Variants in NF1 observed in about 807,000 individuals in gnomAD.
NF1 encodes neurofibromin 1, also known as neurofibromin.
A neutral mutation model predicts 325.7 loss-of-function variants in NF1; 122 were observed. The observed-to-expected ratio is 0.37, with a 90% CI of 0.32 to 0.44. The LOEUF (loss-of-function observed/expected upper bound fraction) is 0.44, where lower values mean the gene tolerates loss of function less well. NF1 is among the 20% of genes least tolerant of loss of function. NF1 has a pLI of 1.00. For missense variants in NF1, 2,140 were observed against 3,415.4 expected (o/e 0.63, Z 9.31); for synonymous variants, 1,091 against 1,186.0 (o/e 0.92, Z 1.65).
chr17:31,185,066 C>G (rs1338166551), intron 8 of NF1, among the ~76,000 whole-genome samples: 2 of 152,202 alleles, frequency 1.3e-5, no homozygotes, highest in Non-Finnish European at 2.9e-5. Flanking sequence ...CTGAGCCATG[C>G]TGCCATCAGC....
intron 57 of NF1, chr17:31,361,081 C>CAAAAAAAAAAAAAAAAAAAAAAAAAAAAA (rs60249232): frequency 2.1e-5 from 1 of 46,544 alleles, no homozygotes; most frequent in African/African-American, 9.8e-5. Context: ...CATACTATAT[C>CAAAAAAAAAAAAAAAAAAAAAAAAAAAAA]AAAAAAAAAA....
chr17:31,249,207 TG>T, intron 30 of NF1, 88 bp downstream of exon 30: 1 of 1,415,564 alleles, frequency 7.1e-7, no homozygotes, highest in East Asian at 2.3e-5. Context: ...CTGCTGATGG[TG>T]TGTGGTTAAC....
At chr17:31,111,784 A>C (rs576907286) in intron 1 of NF1, among the ~76,000 whole-genome samples, 4 of 152,298 alleles carry the variant, frequency 2.6e-5, no homozygotes, top group South Asian at 4.1e-4. Context: ...AAATATCTCA[A>C]ATGGAAGTAC....
chr17:31,304,328 T>C, intron 36 of NF1: 1 of 1,614,130 alleles, frequency 6.2e-7, no homozygotes, highest in African/African-American at 1.3e-5. Flanking sequence ...TTGGGAGGAA[T>C]AGAGAACTCC....
intron 37 of NF1, among the ~76,000 whole-genome samples, chr17:31,326,790 T>C (rs1279128524): frequency 6.6e-6 from 1 of 152,202 alleles, no homozygotes; most frequent in Non-Finnish European, 1.5e-5. Context: ...GGCAATTTGT[T>C]ATGTCATTCA....
chr17:31,111,892 C>T (rs549411963), intron 1 of NF1, among the ~76,000 whole-genome samples: 1 of 152,028 alleles, frequency 6.6e-6, no homozygotes, highest in South Asian at 2.1e-4. Flanking sequence ...TTTTTAGGAA[C>T]TTTATTGCTT....
chr17:31,140,173 G>A (rs962727296), intron 1 of NF1, among the ~76,000 whole-genome samples: 1 of 152,184 alleles, frequency 6.6e-6, no homozygotes, highest in African/African-American at 2.4e-5. Context: ...CGTATCATCT[G>A]GTTATGTAAT....
chr17:31,287,906 G>A (rs1359363074), intron 36 of NF1, among the ~76,000 whole-genome samples: 7 of 128,086 alleles, frequency 5.5e-5, no homozygotes. Flanking sequence ...ACAGGAAGGG[G>A]AACATCACAC....
chr17:31,292,214 ATATAGATGTATGTG>A, intron 36 of NF1, among the ~76,000 whole-genome samples: 1 of 152,300 alleles, frequency 6.6e-6, no homozygotes, highest in East Asian at 1.9e-4. Context: ...GTGAAGATAG[ATATAGATGTATGTG>A]TATATAGGTA....
At chr17:31,283,382 A>C (rs899869511) in intron 36 of NF1, among the ~76,000 whole-genome samples, 1 of 151,374 alleles carries the variant, frequency 6.6e-6, no homozygotes. Context: ...GCGCCACTGC[A>C]CTCCAGCCTG....
At chr17:31,276,026 G>A (rs889319721) in intron 36 of NF1, among the ~76,000 whole-genome samples, 24 of 151,852 alleles carry the variant, frequency 1.6e-4, no homozygotes, top group Admixed American at 5.9e-4. Context: ...TGGCTAACAC[G>A]GTGAAACCCC....
chr17:31,200,387 A>G (rs995219213), intron 8 of NF1, 35 bp from the exon 9 acceptor site: 15 of 1,605,540 alleles, frequency 9.3e-6, no homozygotes, highest in Non-Finnish European at 1.2e-5. Context: ...AAGAAACTTC[A>G]TATATTATCT....
At chr17:31,107,641 CTTAAGTACACCCTAG>C (rs1340484750) in intron 1 of NF1, among the ~76,000 whole-genome samples, 1 of 152,038 alleles carries the variant, frequency 6.6e-6, no homozygotes, top group Non-Finnish European at 1.5e-5. Context: ...TTGAAGACAT[CTTAAGTACACCCTAG>C]ATTCCCACCC....
chr17:31,319,085 A>G (rs2069108843), intron 36 of NF1: 1 of 1,493,100 alleles, frequency 6.7e-7, no homozygotes, highest in African/African-American at 1.4e-5. Flanking sequence ...AGTTTTGGTA[A>G]TTGTAGTTAA....
At chr17:31,273,940 G>T (rs1004171946) in intron 36 of NF1, among the ~76,000 whole-genome samples, 1 of 152,114 alleles carries the variant, frequency 6.6e-6, no homozygotes, top group African/African-American at 2.4e-5. Context: ...TGATTATTAT[G>T]ATTTTAAACC....
At chr17:31,194,187 A>G (rs1283366071) in intron 8 of NF1, among the ~76,000 whole-genome samples, 2 of 152,174 alleles carry the variant, frequency 1.3e-5, no homozygotes, top group African/African-American at 4.8e-5. Context: ...ATATATACAC[A>G]ATGGAATAGT....
chr17:31,192,563 G>C (rs114270251), intron 8 of NF1, among the ~76,000 whole-genome samples: 1 of 152,314 alleles, frequency 6.6e-6, no homozygotes, highest in African/African-American at 2.4e-5. Flanking sequence ...CAGAGAGAGA[G>C]AAGGTTGTAA....
chr17:31,228,919 ATTT>A, intron 20 of NF1, 103 bp from the exon 21 acceptor site: 1 of 868,034 alleles, frequency 1.2e-6, no homozygotes, highest in Non-Finnish European at 1.8e-6. Context: ...TATATTTTAC[ATTT>A]TTTGTACTTT....
intron 1 of NF1, among the ~76,000 whole-genome samples, chr17:31,107,989 T>G (rs1913019754): frequency 6.6e-6 from 1 of 151,830 alleles, no homozygotes; most frequent in Non-Finnish European, 1.5e-5. Flanking sequence ...AAAAAGTAGC[T>G]AGGCGTGGTG....
Sources: allele counts gnomAD v4.1 joint callset (sites outside exome capture counted in the v4.1 genomes callset), GRCh38; gene constraint gnomAD v4.1.1; transcripts MANE v1.5; gene names NCBI Gene and HGNC (gene_info 2026-07-23, HGNC 2026-07-21).